The following BAZ1B variants were observed in gnomAD, a reference collection of about 807,000 sequenced individuals.
BAZ1B encodes bromodomain adjacent to zinc finger domain 1B, also known as tyrosine-protein kinase BAZ1B.
In BAZ1B, 22 loss-of-function variants were observed where a neutral mutation model predicts 153.8. The observed-to-expected ratio is 0.14, with a 90% CI of 0.10 to 0.20. The LOEUF is 0.20. Among genes scored for constraint, BAZ1B ranks in the 10% least tolerant of loss-of-function variants. BAZ1B has a pLI of 1.00. For missense variants in BAZ1B, 1,325 were observed against 1,799.3 expected (o/e 0.74, Z 4.77); for synonymous variants, 676 against 633.4 (o/e 1.07, Z -1.01).
Position 73,465,130 on chromosome 7 carries a change from T to G in BAZ1B, c.3071+309A>C, listed in dbSNP as rs141247538. Among the ~76,000 whole-genome samples, 754 of 152,264 alleles carry G rather than the reference T, an allele frequency of 5.0e-3. 3 individuals are homozygous for G. The highest frequency in any genetic ancestry group is 0.01 in the South Asian group (49 of 4,818). On this transcript the variant is annotated intron_variant, in intron 11 of 19. Coordinates refer to ENST00000339594, the MANE Select transcript of BAZ1B (RefSeq NM_032408.4). ...CTCTTCTGAATATTGATAGAATACT[T>G]CTGGACACCCACCCATCTGGGCCTC...
At chr7:73,446,053 C>T (rs1249366184) in intron 16 of BAZ1B, among the ~76,000 whole-genome samples, 1 of 152,138 alleles carries the variant, frequency 6.6e-6, no homozygotes, top group Admixed American at 6.5e-5. Context: ...AGGTGTCCCA[C>T]ATCACACCTC....
Position 73,449,623 on chromosome 7 carries a change from G to A in BAZ1B, c.3647C>T (p.Pro1216Leu), listed in dbSNP as rs1787961407. ...NKAFHLFCLR[P>L]ALYEVPDGEW... is the part of the protein sequence containing the mutation. The stretch of plus-strand genomic sequence containing the variant: ...ACCATCTGGTACTTCATAGAGGGCC[G>A]GCCTCAGACAAAACAGGTGGAAGGC... Residue 1216 changes from proline to leucine, a missense_variant, in exon 15 of 20, where the codon CCG becomes CTG. Pro to Leu is a moderately conservative substitution (Grantham distance 98). This residue lies in a region of BAZ1B where 21 missense variants were observed against 58.3 expected (regional missense o/e 0.36). Transcript: ENST00000339594. 6.2e-7 allele frequency: 1 copy of A among 1,614,114 alleles called. No homozygotes were observed. Among genetic ancestry groups the A allele is most frequent in the Non-Finnish European group, 8.5e-7 (1 of 1,180,016 alleles).
intron 13 of BAZ1B, among the ~76,000 whole-genome samples, chr7:73,457,574 T>C (rs1484205210): frequency 1.3e-5 from 2 of 152,188 alleles, no homozygotes; most frequent in Non-Finnish European, 1.5e-5. Flanking sequence ...ATGTGGTACA[T>C]AGAGACATGA....
chr7:73,442,136 T>TGCCCA, intron 19 of BAZ1B, 45 bp downstream of exon 19: 3 of 573,492 alleles, frequency 5.2e-6, no homozygotes, highest in African/African-American at 3.8e-5. Flanking sequence ...CTCGCTCGCC[T>TGCCCA]CCCTCCCACC....
At chr7:73,520,925 G>A (rs1791010253) in intron 1 of BAZ1B, among the ~76,000 whole-genome samples, 1 of 151,724 alleles carries the variant, frequency 6.6e-6, no homozygotes, top group Non-Finnish European at 1.5e-5. Context: ...TTACAGATAA[G>A]CCTCAAAAAC....
At chr7:73,475,640 C>T (rs1001399694) in intron 7 of BAZ1B, among the ~76,000 whole-genome samples, 3 of 151,888 alleles carry the variant, frequency 2.0e-5, no homozygotes, top group South Asian at 2.1e-4. Flanking sequence ...GTGGCTGGCC[C>T]GGCATGGTGG....
chr7:73,470,629 A>G (rs1788767316), intron 7 of BAZ1B, 146 bp from the exon 8 acceptor site: 2 of 983,494 alleles, frequency 2.0e-6, no homozygotes, highest in African/African-American at 3.3e-5. Flanking sequence ...CTGTTACAAG[A>G]AATTACATGT....
intron 6 of BAZ1B, among the ~76,000 whole-genome samples, chr7:73,484,057 A>G (rs1554574130): frequency 6.6e-6 from 1 of 152,164 alleles, no homozygotes; most frequent in Admixed American, 6.6e-5. Context: ...CACAAGGTCC[A>G]GGGATTGAGA....
chr7:73,483,509 T>A (rs1021735835), intron 6 of BAZ1B, among the ~76,000 whole-genome samples: 1 of 152,246 alleles, frequency 6.6e-6, no homozygotes, highest in Non-Finnish European at 1.5e-5. Flanking sequence ...TTTGTTACTA[T>A]AAAATATATT....
Position 73,508,437 on chromosome 7 carries a change from G to T in BAZ1B, c.259C>A (p.Leu87Ile), listed in dbSNP as rs781795326. 15 of 1,613,112 alleles carry T rather than the reference G, an allele frequency of 9.3e-6. No homozygotes were observed. The highest frequency in any genetic ancestry group is 1.3e-5 in the Non-Finnish European group (15 of 1,179,482). The change falls in exon 3 of 20, where the codon CTT becomes ATT. Residue 87 changes from leucine to isoleucine, a missense_variant. By Grantham distance (5) the Leu-to-Ile change is conservative. This residue lies in a region of BAZ1B where 153 missense variants were observed against 204.8 expected (regional missense o/e 0.75). Transcript: ENST00000339594. ...TTATGGTGAACCATTTCCAGAACAA[G>T]CTTCTCATACCAGGCAGGAAACTCC... The part of the protein sequence containing the change: ...KEEFPAWYEK[L>I]VLEMVHHNTA...
In BAZ1B at chr7:73,508,417, G is replaced by A; in HGVS notation, c.279C>T (p.His93=). The A allele has an allele frequency of 6.2e-7, 1 of 1,613,764 alleles. No individual in the cohort carries two copies. Among genetic ancestry groups the A allele is most frequent in the Non-Finnish European group, 8.5e-7 (1 of 1,179,832 alleles). The change falls in exon 3 of 20, where the codon CAC becomes CAT. Residue 93 remains histidine, a synonymous_variant. Coordinates refer to ENST00000339594, the MANE Select transcript of BAZ1B (RefSeq NM_032408.4). ...WYEKLVLEMV[H]HNTASLEKLV... is the part of the protein sequence containing the mutation. Reference sequence around the variant, plus strand: ...ACTTCTCTAAGGAGGCTGTGTTATGGTGAACCATTTCCAGAACAAGCTTCT... The same window carrying A: ...ACTTCTCTAAGGAGGCTGTGTTATGATGAACCATTTCCAGAACAAGCTTCT...
intron 9 of BAZ1B, among the ~76,000 whole-genome samples, chr7:73,466,640 G>A (rs1788596930): frequency 6.6e-6 from 1 of 152,140 alleles, no homozygotes; most frequent in Non-Finnish European, 1.5e-5. Context: ...CCAAAGTTTA[G>A]GGGTACTGCA....
intron 7 of BAZ1B, among the ~76,000 whole-genome samples, chr7:73,475,923 C>CAAAA (rs34851345): frequency 8.8e-6 from 1 of 113,988 alleles, no homozygotes; most frequent in Non-Finnish European, 1.7e-5. Flanking sequence ...GACTCCATCT[C>CAAAA]AAAAAAAAAA....
chr7:73,440,964 G>C lies in BAZ1B; in HGVS notation c.*745C>G, dbSNP rs1464451313. On this transcript the variant is annotated 3_prime_UTR_variant, in exon 20 of 20. Transcript: ENST00000339594. ...AACAACTAGAGCTAGATTTGTTGTG[G>C]GGGAAGGGGCTCTCAGAGCTTCTCT... 6.6e-6 allele frequency: 1 copy of C among 152,596 alleles called. No individual in the cohort carries two copies. The highest frequency in any genetic ancestry group is 1.5e-5 in the Non-Finnish European group (1 of 68,042). The allele number at this position is 152,596 out of a possible 1,614,324, so 9.5% of individuals were successfully genotyped here. A position where few individuals can be genotyped will look rare whatever the true frequency, so the allele number is the denominator to read the frequency against.
chr7:73,490,413 A>G (rs1164583421), intron 5 of BAZ1B, among the ~76,000 whole-genome samples: 1 of 152,194 alleles, frequency 6.6e-6, no homozygotes, highest in African/African-American at 2.4e-5. Flanking sequence ...TTTTTTTTAA[A>G]AAGTCACTTA....
At chr7:73,492,053 C>T (rs1023470675) in intron 5 of BAZ1B, among the ~76,000 whole-genome samples, 3 of 134,934 alleles carry the variant, frequency 2.2e-5, no homozygotes, top group African/African-American at 8.7e-5. Flanking sequence ...AGTGCAGGGG[C>T]GCAATCTCAA....
At chr7:73,463,520 C>T (rs1788467709) in intron 11 of BAZ1B, among the ~76,000 whole-genome samples, 1 of 151,982 alleles carries the variant, frequency 6.6e-6, no homozygotes, top group East Asian at 1.9e-4. Context: ...GCTAGGATTA[C>T]AGGTGTGCAC....
In BAZ1B at chr7:73,440,805, T is replaced by G. The variant is rs1445310820; in HGVS notation, c.*904A>C. Reference sequence around the variant, plus strand: ...GAGCTGCAGTCCCCTTGGTGGACTTTAAATAGGTACAGAAGAGCTTGGGTG... The same window carrying G: ...GAGCTGCAGTCCCCTTGGTGGACTTGAAATAGGTACAGAAGAGCTTGGGTG... On this transcript the variant is annotated 3_prime_UTR_variant, in exon 20 of 20. Transcript: ENST00000339594. The G allele has an allele frequency of 6.5e-6, 1 of 152,746 alleles. No homozygotes were observed. Among genetic ancestry groups the G allele is most frequent in the East Asian group, 1.9e-4 (1 of 5,190 alleles). The allele number at this position is 152,746 out of a possible 1,614,324, so 9.5% of individuals were successfully genotyped here.
chr7:73,508,615 A>G, intron 2 of BAZ1B, 144 bp from the exon 3 acceptor site: 1 of 947,884 alleles, frequency 1.1e-6, no homozygotes, highest in Non-Finnish European at 1.5e-6. Flanking sequence ...GTGCAGTGGC[A>G]CAATCATAGC....
Sources: allele counts gnomAD v4.1 joint callset (sites outside exome capture counted in the v4.1 genomes callset), GRCh38; gene constraint gnomAD v4.1.1; regional missense constraint gnomAD v4.1.1; transcripts MANE v1.5; gene names NCBI Gene and HGNC (gene_info 2026-07-23, HGNC 2026-07-21).